The following STARD3NL variants were observed in gnomAD, a reference collection of about 807,000 sequenced individuals.
STARD3NL encodes the protein STARD3 N-terminal-like protein.
STARD3NL carries 17 observed loss-of-function variants against 30.9 expected under a neutral mutation model. That is an observed-to-expected ratio of 0.55 (90% CI 0.38 to 0.82). STARD3NL has a LOEUF of 0.82. Among genes scored for constraint, STARD3NL ranks in the 40% least tolerant of loss-of-function variants. The pLI is 0.00. For synonymous variants in STARD3NL, 112 were observed against 100.5 expected (o/e 1.11, Z -0.69); for missense variants, 234 against 277.6 (o/e 0.84, Z 1.12).
At chr7:38,215,955 G>A (rs1247617147) in intron 4 of STARD3NL, 1 of 152,260 alleles carries the variant, frequency 6.6e-6, no homozygotes, top group Non-Finnish European at 1.5e-5. Context: ...TCACGGGGCA[G>A]CGGTCAGACC....
At chr7:38,188,396 A>G (rs533968763) in intron 1 of STARD3NL, among the ~76,000 whole-genome samples, 4 of 152,234 alleles carry the variant, frequency 2.6e-5, no homozygotes, top group Admixed American at 2.6e-4. Context: ...CTTATCTCCT[A>G]GTCGTTGCTC....
At chr7:38,184,654 T>C (rs59870865) in intron 1 of STARD3NL, among the ~76,000 whole-genome samples, 31,828 of 140,618 alleles carry the variant, frequency 0.23, 3,848 homozygotes, top group Admixed American at 0.34. Context: ...ATATAACCGA[T>C]ATAGTATATA....
At chr7:38,228,588 G>A (rs1445082772) in intron 7 of STARD3NL, among the ~76,000 whole-genome samples, 3 of 152,204 alleles carry the variant, frequency 2.0e-5, no homozygotes, top group Non-Finnish European at 4.4e-5. Flanking sequence ...TGACAGATTA[G>A]TGTAAGTGAT....
intron 6 of STARD3NL, 120 bp downstream of exon 6, chr7:38,217,425 T>A: frequency 1.1e-6 from 1 of 870,908 alleles, no homozygotes. Context: ...TGGTGGGGTC[T>A]TCATTCTTTA....
chr7:38,194,201 C>T (rs1404476140), intron 1 of STARD3NL, among the ~76,000 whole-genome samples: 1 of 152,054 alleles, frequency 6.6e-6, no homozygotes, highest in East Asian at 1.9e-4. Flanking sequence ...TTGAAAGTGA[C>T]CTCTTCTATA....
chr7:38,214,120 C>T (rs1410220826), intron 2 of STARD3NL, among the ~76,000 whole-genome samples: 1 of 152,196 alleles, frequency 6.6e-6, no homozygotes, highest in Non-Finnish European at 1.5e-5. Context: ...CTATGAACTA[C>T]AGAAGCCATT....
intron 1 of STARD3NL, among the ~76,000 whole-genome samples, chr7:38,184,581 CCAAGGGGATGGTGG>C (rs1223300522): frequency 6.7e-6 from 1 of 149,368 alleles, no homozygotes; most frequent in Non-Finnish European, 1.5e-5. Flanking sequence ...TCACTCATCA[CCAAGGGGATGGTGG>C]CAAGGGGATG....
At chr7:38,188,936 T>G (rs757818338) in intron 1 of STARD3NL, among the ~76,000 whole-genome samples, 8 of 152,252 alleles carry the variant, frequency 5.3e-5, no homozygotes, top group Non-Finnish European at 1.2e-4. Context: ...CATGTATTTT[T>G]CCCCTTAAAT....
At chr7:38,188,956 T>A (rs1434260976) in intron 1 of STARD3NL, among the ~76,000 whole-genome samples, 5 of 152,236 alleles carry the variant, frequency 3.3e-5, no homozygotes. Context: ...TTTTTCTAAG[T>A]CATTGATGTT....
chr7:38,207,459 T>A lies in STARD3NL; in HGVS notation c.-46T>A, dbSNP rs189562659. ...TTATTTCCCAAAGGTGTCTTCTCTT[T>A]AGGGATGGTGAGGTTGGAAAAAGGC... On this transcript the variant is annotated 5_prime_UTR_variant, in exon 2 of 9. Transcript: ENST00000009041. 6.5e-7 allele frequency: 1 copy of A among 1,545,180 alleles called. No individual in the cohort carries two copies. Among genetic ancestry groups the A allele is most frequent in the East Asian group, 2.3e-5 (1 of 44,264 alleles).
At chr7:38,203,661 C>T (rs7784752) in intron 1 of STARD3NL, among the ~76,000 whole-genome samples, 64,799 of 151,914 alleles carry the variant, frequency 0.43, 14,152 homozygotes, top group East Asian at 0.5. Flanking sequence ...GCTAAATGCT[C>T]CAATTAAAAG....
At chr7:38,204,713 G>A (rs1164178027) in intron 1 of STARD3NL, among the ~76,000 whole-genome samples, 2 of 152,094 alleles carry the variant, frequency 1.3e-5, no homozygotes, top group African/African-American at 4.8e-5. Flanking sequence ...TTTTTGAAAA[G>A]ATCAACAAAA....
chr7:38,228,457 A>G (rs1786910296), intron 7 of STARD3NL, among the ~76,000 whole-genome samples: 1 of 152,232 alleles, frequency 6.6e-6, no homozygotes, highest in African/African-American at 2.4e-5. Flanking sequence ...TACCAAGCTC[A>G]ACATTTTTGC....
intron 1 of STARD3NL, among the ~76,000 whole-genome samples, chr7:38,191,435 T>G (rs1471005150): frequency 6.6e-6 from 1 of 152,138 alleles, no homozygotes; most frequent in African/African-American, 2.4e-5. Context: ...TGGTTATAAC[T>G]TTTTGTGTCT....
At chr7:38,197,136 T>TTTTATTTCTTTC (rs377342892) in intron 1 of STARD3NL, among the ~76,000 whole-genome samples, 1 of 112,276 alleles carries the variant, frequency 8.9e-6, no homozygotes, top group Non-Finnish European at 1.8e-5. Flanking sequence ...GCATTACCTT[T>TTTTATTTCTTTC]TTTCTTTCTT....
At chr7:38,180,379 C>T (rs1167607587) in intron 1 of STARD3NL, among the ~76,000 whole-genome samples, 1 of 152,214 alleles carries the variant, frequency 6.6e-6, no homozygotes. Context: ...ATTACCTGTA[C>T]CTGCCTTCCA....
At chr7:38,206,261 T>C (rs560996133) in intron 1 of STARD3NL, among the ~76,000 whole-genome samples, 5 of 152,218 alleles carry the variant, frequency 3.3e-5, no homozygotes, top group Non-Finnish European at 7.4e-5. Flanking sequence ...GAAAGGAGAG[T>C]GTGGTGAGCC....
chr7:38,178,673 A>T (rs1240652521), intron 1 of STARD3NL, among the ~76,000 whole-genome samples: 2 of 152,076 alleles, frequency 1.3e-5, no homozygotes, highest in African/African-American at 4.8e-5. Flanking sequence ...GGATTCAGGG[A>T]TGGATATAGG....
At chr7:38,214,947 G>C in intron 3 of STARD3NL, 81 bp from the exon 4 acceptor site, 2 of 1,260,508 alleles carry the variant, frequency 1.6e-6, no homozygotes, top group South Asian at 2.6e-5. Context: ...CAGTAATGAA[G>C]ACAGTCTGGT....
Sources: gnomAD v4.1 joint callset for allele counts (sites outside exome capture counted in the v4.1 genomes callset) on GRCh38, gnomAD v4.1.1 for gene constraint, MANE v1.5 for transcripts, NCBI Gene and HGNC (gene_info 2026-07-23, HGNC 2026-07-21) for gene names.